The following LHX4 variants were observed in gnomAD, a reference collection of about 807,000 sequenced individuals.
The protein encoded by LHX4 is LIM/homeobox protein Lhx4.
Under a neutral mutation model 39.2 loss-of-function variants are expected in LHX4, and 16 were observed. That is an observed-to-expected ratio of 0.41 (90% confidence interval 0.28 to 0.62). LHX4 has a LOEUF of 0.62. Among genes scored for constraint, LHX4 ranks in the 20% least tolerant of loss-of-function variants. The pLI, the probability that LHX4 is intolerant of heterozygous loss-of-function variation, is 0.33. For missense variants in LHX4, 439 were observed against 511.9 expected (o/e 0.86, Z 1.37); for synonymous variants, 206 against 198.1 (o/e 1.04, Z -0.33).
chr1:180,261,687 A>C (rs1648118632), intron 2 of LHX4, among the ~76,000 whole-genome samples: 1 of 152,176 alleles, frequency 6.6e-6, no homozygotes, highest in South Asian at 2.1e-4. Flanking sequence ...TCTGAGAAGC[A>C]CAACTAACTG....
At chr1:180,228,982 A>G (rs1215073842), upstream of LHX4, among the ~76,000 whole-genome samples, 6 of 152,186 alleles carry the variant, frequency 3.9e-5, no homozygotes, top group African/African-American at 7.2e-5. Flanking sequence ...GTCTTGGGGC[A>G]GACGGGGTGG....
At position 180,259,727 on chromosome 1, in the gene LHX4, G is replaced by T. The variant is rs563239945; in HGVS notation, c.249-6665G>T. ...AGGGCGGAGAGAGGGCAGGGTCCAG[G>T]GTGTGTGGGGAGGGACAGGTGGGAT... On this transcript the variant is annotated intron_variant, in intron 2 of 5. Coordinates refer to ENST00000263726, the MANE Select transcript of LHX4 (RefSeq NM_033343.4). Among the ~76,000 whole-genome samples the T allele has an allele frequency of 2.8e-4, 42 of 151,898 alleles. 1 individual carries two copies. Among genetic ancestry groups the T allele is most frequent in the African/African-American group, 9.5e-4 (39 of 41,176 alleles).
chr1:180,249,246 ACTGT>A (rs1647504053), intron 2 of LHX4, among the ~76,000 whole-genome samples: 1 of 152,152 alleles, frequency 6.6e-6, no homozygotes, highest in Non-Finnish European at 1.5e-5. Context: ...AGCTCTTAAG[ACTGT>A]CTGAGATTTT....
At chr1:180,249,715 A>C (rs1647524504) in intron 2 of LHX4, among the ~76,000 whole-genome samples, 1 of 152,242 alleles carries the variant, frequency 6.6e-6, no homozygotes, top group Non-Finnish European at 1.5e-5. Context: ...AGTGATTTGA[A>C]TATCTGAGGA....
At chr1:180,268,386 C>T (rs1648424938) in intron 3 of LHX4, among the ~76,000 whole-genome samples, 1 of 152,194 alleles carries the variant, frequency 6.6e-6, no homozygotes, top group Non-Finnish European at 1.5e-5. Context: ...TGGTCAGAAT[C>T]TGGCTGGGGA....
chr1:180,259,098 G>A (rs572066808), intron 2 of LHX4, among the ~76,000 whole-genome samples: 13 of 152,148 alleles, frequency 8.5e-5, no homozygotes, highest in Non-Finnish European at 1.6e-4. Context: ...CCAGGGGAGC[G>A]GGGTGGGCAG....
At chr1:180,241,725 C>G (rs1480180655) in intron 1 of LHX4, among the ~76,000 whole-genome samples, 1 of 152,204 alleles carries the variant, frequency 6.6e-6, no homozygotes, top group Non-Finnish European at 1.5e-5. Context: ...ATTTGCAGAT[C>G]TAAACTCTGA....
chr1:180,230,522 G>A lies in LHX4; in HGVS notation c.-8G>A. ...CGTAGACTGCGACTCGCTGGCTTTC[G>A]CTCCGAGATGATGCAGAGTGCGACT... is the stretch of plus-strand genomic sequence containing the variant. On this transcript the variant is annotated 5_prime_UTR_variant, in exon 1 of 6. Transcript: ENST00000263726. This position sits in a 1 kb window ranked among gnomAD's most constrained non-coding sequence, Gnocchi z 5.8. 3 of 1,612,958 alleles carry A rather than the reference G, an allele frequency of 1.9e-6. No homozygotes were observed. Among genetic ancestry groups the A allele is most frequent in the Non-Finnish European group, 1.7e-6 (2 of 1,179,314 alleles).
intron 2 of LHX4, among the ~76,000 whole-genome samples, chr1:180,265,189 T>C (rs1213764345): frequency 6.6e-6 from 1 of 152,210 alleles, no homozygotes; most frequent in African/African-American, 2.4e-5. Flanking sequence ...TAAGCATTAG[T>C]TAAAAGGACC....
intron 2 of LHX4, among the ~76,000 whole-genome samples, chr1:180,251,263 C>A (rs539133299): frequency 6.6e-6 from 1 of 152,226 alleles, no homozygotes; most frequent in African/African-American, 2.4e-5. Context: ...GCCCACCAAG[C>A]AGGATGCTCC....
At position 180,278,811 on chromosome 1, in the gene LHX4, G is replaced by A. The variant is rs767609726; in HGVS notation, c.*4232G>A. ...TACAGTTAAAGAGAAATGAAGTCTC[G>A]TTTCCTGGGGAAAAAAAAGAAAAAA... is the stretch of plus-strand genomic sequence containing the variant. On this transcript the variant is annotated 3_prime_UTR_variant, in exon 6 of 6. Transcript: ENST00000263726. The A allele has an allele frequency of 1.5e-4, 22 of 150,124 alleles. No individual in the cohort carries two copies. The highest frequency in any genetic ancestry group is 2.8e-4 in the Non-Finnish European group (19 of 67,814). 9.3% of individuals were successfully genotyped at this position (150,124 alleles called of 1,614,324 possible). A position where few individuals can be genotyped will look rare whatever the true frequency, so the allele number is the denominator to read the frequency against.
chr1:180,278,495 T>G lies in LHX4; in HGVS notation c.*3916T>G, dbSNP rs981383833. On this transcript the variant is annotated 3_prime_UTR_variant, in exon 6 of 6. Coordinates refer to ENST00000263726, the MANE Select transcript of LHX4 (RefSeq NM_033343.4). Reference sequence around the variant, plus strand: ...CCACACTAAAAGCACAGTTTCATGCTGCTAGCTCTGGTAAGGAGACAGCTG... The same window carrying G: ...CCACACTAAAAGCACAGTTTCATGCGGCTAGCTCTGGTAAGGAGACAGCTG... 1 of 152,098 alleles carries G rather than the reference T, an allele frequency of 6.6e-6. No individual in the cohort carries two copies. The highest frequency in any genetic ancestry group is 1.5e-5 in the Non-Finnish European group (1 of 68,028). The allele number at this position is 152,098 out of a possible 1,614,324, so 9.4% of individuals were successfully genotyped here. A position where few individuals can be genotyped will look rare whatever the true frequency, so the allele number is the denominator to read the frequency against.
Position 180,278,342 on chromosome 1 carries a change from CT to C in LHX4, c.*3765del, listed in dbSNP as rs11316143. The C allele has an allele frequency of 0.92, 139,205 of 152,136 alleles. 63,809 individuals are homozygous for C. The highest frequency in any genetic ancestry group is 0.99 in the East Asian group (5,109 of 5,172). The allele number at this position is 152,136 out of a possible 1,614,324, so 9.4% of individuals were successfully genotyped here. A position where few individuals can be genotyped will look rare whatever the true frequency, so the allele number is the denominator to read the frequency against. ...AAATGAAAAGCACATCACTGGCTCT[CT>C]TCTTTCTTGGATTGGTCAATTGGCC... is the stretch of plus-strand genomic sequence containing the variant. On this transcript the variant is annotated 3_prime_UTR_variant, in exon 6 of 6. Transcript: ENST00000263726.
rs558118234 is a variant in LHX4 at position 180,249,879 on chromosome 1, G to A, written c.248+1423G>A. 2.7e-4 allele frequency among the ~76,000 whole-genome samples: 41 copies of A among 151,296 alleles called. 1 individual carries two copies. The East Asian group carries it at 3.5e-3, about 13-fold the overall frequency. On this transcript the variant is annotated intron_variant, in intron 2 of 5. Transcript: ENST00000263726. ...TGTGCTGCTCCCTACGTGTGTGTGC[G>A]TGTGTGAGTGTGTGTATGAGTGTGT...
intron 2 of LHX4, among the ~76,000 whole-genome samples, chr1:180,262,191 G>GCC (rs1648135956): frequency 6.7e-6 from 1 of 149,728 alleles, no homozygotes; most frequent in Non-Finnish European, 1.5e-5. Context: ...CTGTAGCACT[G>GCC]CCCTTCATCC....
At chr1:180,233,464 A>G (rs1277665340) in intron 1 of LHX4, among the ~76,000 whole-genome samples, 2 of 151,970 alleles carry the variant, frequency 1.3e-5, no homozygotes, top group African/African-American at 4.8e-5. Context: ...CCGAATCCTC[A>G]CAGCGCCTGA....
chr1:180,248,777 G>A (rs1647485415), intron 2 of LHX4: 1 of 402,378 alleles, frequency 2.5e-6, no homozygotes, highest in South Asian at 2.2e-5. Flanking sequence ...AAGAGCAACA[G>A]AAAGAGTTGC....
intron 2 of LHX4, among the ~76,000 whole-genome samples, chr1:180,250,183 C>G (rs1010070866): frequency 6.6e-6 from 1 of 152,142 alleles, no homozygotes; most frequent in African/African-American, 2.4e-5. Flanking sequence ...CTCTGGCATT[C>G]ATGCAATTCC....
intron 1 of LHX4, among the ~76,000 whole-genome samples, chr1:180,238,729 G>C (rs772294418): frequency 6.6e-6 from 1 of 152,154 alleles, no homozygotes; most frequent in Non-Finnish European, 1.5e-5. Context: ...GGAAAATTCT[G>C]TTATTGTCTC....
Sources: allele counts gnomAD v4.1 joint callset (sites outside exome capture counted in the v4.1 genomes callset), GRCh38; gene constraint gnomAD v4.1.1; non-coding constraint Gnocchi (gnomAD v3.1); transcripts MANE v1.5; gene names NCBI Gene and HGNC (gene_info 2026-07-23, HGNC 2026-07-21).